Variants in MKNK1 observed in about 807,000 individuals in gnomAD.
The protein encoded by MKNK1 is MAP kinase-interacting serine/threonine-protein kinase 1.
In MKNK1, 30 loss-of-function variants were observed where a neutral mutation model predicts 49.3. The ratio of observed to expected loss-of-function variants is 0.61; its 90% CI spans 0.46 to 0.83. MKNK1 has a LOEUF of 0.83. Among genes scored for constraint, MKNK1 ranks in the 40% least tolerant of loss-of-function variants. The pLI, the probability that MKNK1 is intolerant of heterozygous loss-of-function variation, is 0.00. For synonymous variants in MKNK1, 176 were observed against 201.7 expected, an observed-to-expected ratio of 0.87 and a Z score of 1.08; for missense variants, 423 against 524.7, an observed-to-expected ratio of 0.81 and a Z score of 1.89.
chr1:46,588,454 A>T (rs1342267268), intron 2 of MKNK1, among the ~76,000 whole-genome samples: 1 of 152,262 alleles, frequency 6.6e-6, no homozygotes, highest in African/African-American at 2.4e-5. Context: ...TATTGGTGCC[A>T]TGAAGATACT....
intron 9 of MKNK1, among the ~76,000 whole-genome samples, chr1:46,564,298 G>C (rs1668609968): frequency 6.6e-6 from 1 of 151,604 alleles, no homozygotes; most frequent in African/African-American, 2.4e-5. Context: ...TCCAGTCAGG[G>C]AGAACAGCTC....
chr1:46,593,413 C>A (rs1673609786), intron 2 of MKNK1: 1 of 152,162 alleles, frequency 6.6e-6, no homozygotes, highest in African/African-American at 2.4e-5. Context: ...CCCAGGCTGG[C>A]CAAATTATTA....
chr1:46,572,852 G>A (rs958591228), intron 6 of MKNK1, among the ~76,000 whole-genome samples: 1 of 152,138 alleles, frequency 6.6e-6, no homozygotes, highest in Non-Finnish European at 1.5e-5. Context: ...CCCTGCATCT[G>A]ATCTCTGATC....
chr1:46,586,828 T>C (rs756571288), intron 2 of MKNK1, among the ~76,000 whole-genome samples: 1 of 152,236 alleles, frequency 6.6e-6, no homozygotes, highest in Non-Finnish European at 1.5e-5. Flanking sequence ...TCTTTTCTTT[T>C]TGAGATGGAG....
intron 2 of MKNK1, among the ~76,000 whole-genome samples, chr1:46,587,828 C>A (rs1217055836): frequency 1.3e-5 from 2 of 151,062 alleles, no homozygotes; most frequent in South Asian, 4.2e-4. Context: ...AAAAAAAAAA[C>A]AAAAAATACC....
chr1:46,564,475 T>G (rs1668678749), intron 9 of MKNK1, among the ~76,000 whole-genome samples: 9 of 37,996 alleles, frequency 2.4e-4, no homozygotes, highest in Middle Eastern at 0.017. Flanking sequence ...TGTTTTTTTT[T>G]TTTTTTTTTT....
chr1:46,582,908 G>A (rs1671955689), intron 3 of MKNK1: 1 of 526,294 alleles, frequency 1.9e-6, no homozygotes, highest in Non-Finnish European at 3.7e-6. Flanking sequence ...AGGAATAGCT[G>A]AGGGAAGAAT....
intron 3 of MKNK1, among the ~76,000 whole-genome samples, chr1:46,582,255 C>G (rs1389958832): frequency 1.3e-5 from 2 of 152,100 alleles, no homozygotes; most frequent in African/African-American, 2.4e-5. Context: ...ACAAAAAACC[C>G]CTGCTGAAAG....
chr1:46,571,973 T>G, intron 7 of MKNK1, 90 bp downstream of exon 7: 1 of 1,187,782 alleles, frequency 8.4e-7, no homozygotes, highest in Non-Finnish European at 1.2e-6. Flanking sequence ...CACCATCTCC[T>G]GCACCAGCCC....
intron 1 of MKNK1, 69 bp from the exon 2 acceptor site, chr1:46,594,349 A>G (rs1673766373): frequency 3.1e-6 from 2 of 636,784 alleles, no homozygotes; most frequent in Non-Finnish European, 5.7e-6. Flanking sequence ...AAAGAGAAAG[A>G]TCAATCTGAA....
intron 7 of MKNK1, 124 bp downstream of exon 7, chr1:46,571,939 A>T: frequency 1.2e-6 from 1 of 811,964 alleles, no homozygotes; most frequent in Non-Finnish European, 2.0e-6. Context: ...GAGCATGTTC[A>T]CACCTCAAGC....
At position 46,589,136 on chromosome 1, in the gene MKNK1, A is replaced by G. The variant is rs1339151915; in HGVS notation, c.-3+4977T>C. Among the ~76,000 whole-genome samples, 4 of 152,264 alleles carry G rather than the reference A, an allele frequency of 2.6e-5. No homozygotes were observed. The highest frequency in any genetic ancestry group is 7.2e-5 in the African/African-American group (3 of 41,474). On this transcript the variant is annotated intron_variant, in intron 2 of 12. Transcript: ENST00000371945. The surrounding 1 kb of genome is among the most constrained non-coding windows in gnomAD (Gnocchi z 4.3). ...ACAGTGAGAGTATAAGAGAAGACACAGTCTCTTCCCTGATGGCGTTTAAAT... is the reference window on the plus strand; with the variant it reads ...ACAGTGAGAGTATAAGAGAAGACACGGTCTCTTCCCTGATGGCGTTTAAAT...
At chr1:46,559,518 G>T (rs879621372) in intron 12 of MKNK1, among the ~76,000 whole-genome samples, 2 of 152,204 alleles carry the variant, frequency 1.3e-5, no homozygotes, top group Admixed American at 6.5e-5. Context: ...CTGCTGTGTG[G>T]CCTTAAGCAA....
chr1:46,594,905 T>G (rs1163530336), intron 1 of MKNK1: 1 of 388,670 alleles, frequency 2.6e-6, no homozygotes, highest in African/African-American at 2.2e-5. Flanking sequence ...GAGGATTGCT[T>G]GAGCCCAGGA....
intron 5 of MKNK1, 73 bp from the exon 6 acceptor site, chr1:46,575,093 A>G (rs1670757931): frequency 3.0e-6 from 3 of 995,958 alleles, no homozygotes; most frequent in Non-Finnish European, 4.5e-6. Flanking sequence ...ACTTACAAAT[A>G]TACAATGAAA....
rs959740846 is a variant in MKNK1, at chr1:46,576,616, C to G, written c.237G>C (p.Val79=). The G allele has an allele frequency of 2.2e-5, 35 of 1,614,052 alleles. No individual in the cohort carries two copies. Among genetic ancestry groups the G allele is most frequent in the Non-Finnish European group, 2.9e-5 (34 of 1,180,014 alleles). Residue 79 remains valine, a synonymous_variant, in exon 5 of 13, where the codon GTG becomes GTC. Transcript: ENST00000371945. The stretch of plus-strand genomic sequence containing the variant: ...GATACAGCGTCTCCACCTCTCGAAA[C>G]ACCCTACTCCGACTGTGCCCTGCTT... The part of the protein sequence containing the change: ...EKQAGHSRSR[V]FREVETLYQC...
At chr1:46,567,431 CACTA>C (rs1488836125) in intron 8 of MKNK1, among the ~76,000 whole-genome samples, 1 of 152,196 alleles carries the variant, frequency 6.6e-6, no homozygotes, top group African/African-American at 2.4e-5. Context: ...ATTTCATAAA[CACTA>C]AATAAATATA....
chr1:46,600,760 A>G (rs903347680), intron 1 of MKNK1, among the ~76,000 whole-genome samples: 2 of 152,236 alleles, frequency 1.3e-5, no homozygotes, highest in Admixed American at 6.5e-5. Flanking sequence ...TTTCCAAGCT[A>G]TAACACAGAG....
At chr1:46,561,408 A>AT in intron 11 of MKNK1, 70 bp downstream of exon 11, 2 of 1,507,114 alleles carry the variant, frequency 1.3e-6, no homozygotes, top group South Asian at 1.3e-5. Context: ...ACTTGCTGGC[A>AT]TGACAGCTTC....
Sources: gnomAD v4.1 joint callset for allele counts (sites outside exome capture counted in the v4.1 genomes callset) on GRCh38, gnomAD v4.1.1 for gene constraint, Gnocchi (gnomAD v3.1) non-coding constraint, MANE v1.5 for transcripts, NCBI Gene and HGNC (gene_info 2026-07-23, HGNC 2026-07-21) for gene names.